The following LAPTM4B variants were observed in gnomAD, a reference collection of about 807,000 sequenced individuals.
LAPTM4B encodes the protein lysosomal-associated transmembrane protein 4B.
LAPTM4B carries 26 observed loss-of-function variants against 28.5 expected under a neutral mutation model. The ratio of observed to expected loss-of-function variants is 0.91; its 90% CI spans 0.67 to 1.27. LAPTM4B has a LOEUF of 1.27. LAPTM4B is among the 50% of genes most tolerant of loss of function. LAPTM4B has a pLI of 0.00. For synonymous variants in LAPTM4B, 109 were observed against 106.4 expected, an observed-to-expected ratio of 1.02 and a Z score of -0.15; for missense variants, 288 against 285.8, an observed-to-expected ratio of 1.01 and a Z score of -0.06.
In LAPTM4B at chr8:97,851,816, C is replaced by T. The variant is rs1217931240; in HGVS notation, c.*342C>T. ...TTGGGCATTTTTCTCTCTGTTCCCT[C>T]TCTTTTGAAAATGTAAAATAAAACC... On this transcript the variant is annotated 3_prime_UTR_variant, in exon 7 of 7. Transcript: ENST00000521545. 1.5e-5 allele frequency: 4 copies of T among 264,938 alleles called. No individual in the cohort carries two copies. Among genetic ancestry groups the T allele is most frequent in the African/African-American group, 2.2e-5 (1 of 45,014 alleles). 16.4% of individuals were successfully genotyped at this position (264,938 alleles called of 1,614,324 possible). A position where few individuals can be genotyped will look rare whatever the true frequency, so the allele number is the denominator to read the frequency against.
chr8:97,805,452 A>G lies in LAPTM4B; in HGVS notation c.199A>G (p.Met67Val). 1 of 1,596,404 alleles carries G rather than the reference A, an allele frequency of 6.3e-7. No individual in the cohort carries two copies. The highest frequency in any genetic ancestry group is 1.1e-5 in the South Asian group (1 of 90,692). Residue 67 changes from methionine (M) to valine (V), a missense_variant, in exon 2 of 7, where the codon ATG (methionine) becomes GTG (valine). Transcript: ENST00000521545. ...TGAACTGGGAGGTGACTTTGAGTTC[A>G]TGGATGATGCCAGTAAGTAGTAGAT... ...SSELGGDFEFMDDANMCIAIA... is the reference protein window; with the variant it reads ...SSELGGDFEFVDDANMCIAIA...
chr8:97,820,729 C>CTTG (rs201192350), intron 5 of LAPTM4B, among the ~76,000 whole-genome samples: 19 of 151,604 alleles, frequency 1.3e-4, no homozygotes, highest in African/African-American at 3.1e-4. Flanking sequence ...GAGACCCCGT[C>CTTG]TTGTTGTTGT....
intron 1 of LAPTM4B, among the ~76,000 whole-genome samples, chr8:97,802,538 C>T (rs6468592): frequency 0.44 from 67,443 of 151,836 alleles, 15,472 homozygotes; most frequent in East Asian, 0.58. Context: ...TTTTGGCCGG[C>T]GTCTTTACCA....
chr8:97,801,905 A>G (rs921987524), intron 1 of LAPTM4B, among the ~76,000 whole-genome samples: 3 of 152,024 alleles, frequency 2.0e-5, no homozygotes, highest in African/African-American at 7.2e-5. Flanking sequence ...CAGTTTATCA[A>G]ATAACATCTT....
chr8:97,795,078 C>G (rs901595153), intron 1 of LAPTM4B, among the ~76,000 whole-genome samples: 17 of 152,148 alleles, frequency 1.1e-4, no homozygotes, highest in African/African-American at 3.9e-4. Context: ...TATCAGAAAA[C>G]AGCAAATCAG....
chr8:97,781,689 G>C (rs1816322958), intron 1 of LAPTM4B, among the ~76,000 whole-genome samples: 1 of 152,178 alleles, frequency 6.6e-6, no homozygotes, highest in Admixed American at 6.5e-5. Flanking sequence ...CTGTTTCCCA[G>C]TTAATCCCTG....
intron 2 of LAPTM4B, 36 bp from the exon 3 acceptor site, chr8:97,815,292 T>C (rs777189909): frequency 1.3e-6 from 2 of 1,544,894 alleles, no homozygotes; most frequent in Non-Finnish European, 1.8e-6. Flanking sequence ...CTACTGATTG[T>C]CTTTTTTAAA....
intron 1 of LAPTM4B, among the ~76,000 whole-genome samples, chr8:97,797,172 T>C (rs905088416): frequency 2.0e-5 from 3 of 151,248 alleles, no homozygotes; most frequent in African/African-American, 4.9e-5. Context: ...TTTGTTCTTA[T>C]TGCGCAGGCT....
intron 1 of LAPTM4B, among the ~76,000 whole-genome samples, chr8:97,777,495 G>T (rs1018065648): frequency 1.3e-4 from 20 of 151,742 alleles, no homozygotes; most frequent in African/African-American, 4.8e-4. Flanking sequence ...TGTGTGTGTG[G>T]TTTGTTTATT....
Position 97,793,501 on chromosome 8 carries a change from T to C in LAPTM4B, c.100-11852T>C, listed in dbSNP as rs114146187. On this transcript the variant is annotated intron_variant, in intron 1 of 6. Transcript: ENST00000521545. ...ATTTCTAAACAGAATATCAGTATTG[T>C]CTATTTCAGAAAAATCGGATTGTTC... Among the ~76,000 whole-genome samples, 704 of 152,320 alleles carry C rather than the reference T, an allele frequency of 4.6e-3. 4 individuals carry two copies. The highest frequency in any genetic ancestry group is 0.016 in the African/African-American group (666 of 41,570).
At chr8:97,819,321 T>A in intron 5 of LAPTM4B, 83 bp downstream of exon 5, 1 of 804,414 alleles carries the variant, frequency 1.2e-6, no homozygotes, top group Non-Finnish European at 2.0e-6. Context: ...TTTGGTCAGT[T>A]TATTGTCTTT....
chr8:97,791,778 G>A (rs141754788), intron 1 of LAPTM4B, among the ~76,000 whole-genome samples: 1 of 152,318 alleles, frequency 6.6e-6, no homozygotes, highest in East Asian at 1.9e-4. Flanking sequence ...TTATGCACCT[G>A]TATTTTATGA....
At chr8:97,799,009 GTCT>G (rs1487228281) in intron 1 of LAPTM4B, among the ~76,000 whole-genome samples, 8 of 152,110 alleles carry the variant, frequency 5.3e-5, no homozygotes, top group Admixed American at 2.0e-4. Flanking sequence ...GAAGTCTTAG[GTCT>G]TCTTTGCTTC....
chr8:97,838,734 C>A (rs934237729), intron 6 of LAPTM4B, among the ~76,000 whole-genome samples: 2 of 152,068 alleles, frequency 1.3e-5, no homozygotes, highest in African/African-American at 4.8e-5. Context: ...CATGTGGACA[C>A]TTTTTCATTC....
intron 2 of LAPTM4B, among the ~76,000 whole-genome samples, chr8:97,812,227 G>GTTTTTTTT (rs55878345): frequency 7.9e-5 from 7 of 89,084 alleles, no homozygotes; most frequent in Admixed American, 1.1e-4. Flanking sequence ...GTTGTTTTTT[G>GTTTTTTTT]TTTTTTTTTT....
At chr8:97,799,160 C>T (rs1409508319) in intron 1 of LAPTM4B, among the ~76,000 whole-genome samples, 1 of 152,202 alleles carries the variant, frequency 6.6e-6, no homozygotes, top group African/African-American at 2.4e-5. Flanking sequence ...CACCACCTAA[C>T]ATGGAAGAAG....
intron 2 of LAPTM4B, among the ~76,000 whole-genome samples, chr8:97,813,545 G>A (rs1816859238): frequency 6.6e-6 from 1 of 152,198 alleles, no homozygotes. Flanking sequence ...GCATCCTTCA[G>A]TCCAGTCAAG....
At chr8:97,818,744 G>T (rs1364242626) in intron 4 of LAPTM4B, among the ~76,000 whole-genome samples, 1 of 152,020 alleles carries the variant, frequency 6.6e-6, no homozygotes. Flanking sequence ...TGTCGCCCGG[G>T]CGGCTGGAGT....
intron 6 of LAPTM4B, 31 bp from the exon 7 acceptor site, chr8:97,851,366 A>C: frequency 6.5e-7 from 1 of 1,541,834 alleles, no homozygotes; most frequent in Non-Finnish European, 9.0e-7. Flanking sequence ...CTCTTCAAAC[A>C]TTAACTCTTG....
Sources: gnomAD v4.1 joint callset for allele counts (sites outside exome capture counted in the v4.1 genomes callset) on GRCh38, gnomAD v4.1.1 for gene constraint, MANE v1.5 for transcripts, NCBI Gene and HGNC (gene_info 2026-07-23, HGNC 2026-07-21) for gene names.